The following LDLRAD4 variants were observed in gnomAD, a reference collection of about 807,000 sequenced individuals.
LDLRAD4 encodes low-density lipoprotein receptor class A domain-containing protein 4.
LDLRAD4 carries 5 observed loss-of-function variants against 17.0 expected under a neutral mutation model. The observed-to-expected ratio is 0.29, with a 90% CI of 0.15 to 0.62. LDLRAD4 has a LOEUF of 0.62. Among genes scored for constraint, LDLRAD4 ranks in the 20% least tolerant of loss-of-function variants. LDLRAD4 has a pLI of 0.84. For synonymous variants in LDLRAD4, 168 were observed against 171.8 expected (o/e 0.98, Z 0.17); for missense variants, 340 against 424.7 (o/e 0.80, Z 1.75).
chr18:13,464,506 C>T (rs2092549534), intron 3 of LDLRAD4, among the ~76,000 whole-genome samples: 1 of 152,092 alleles, frequency 6.6e-6, no homozygotes, highest in Non-Finnish European at 1.5e-5. Flanking sequence ...CTGGTTATAC[C>T]TGCTATATCT....
intron 2 of LDLRAD4, among the ~76,000 whole-genome samples, chr18:13,410,166 C>T (rs1026152712): frequency 4.6e-5 from 7 of 152,048 alleles, no homozygotes; most frequent in African/African-American, 1.4e-4. Context: ...GAGGGACTTC[C>T]GACCTGACAT....
intron 3 of LDLRAD4, chr18:13,515,380 T>G (rs921405071): frequency 1.2e-4 from 18 of 152,254 alleles, no homozygotes; most frequent in African/African-American, 4.3e-4. Flanking sequence ...TGGTGGTGGT[T>G]CTTGCATGTC....
intron 1 of LDLRAD4, among the ~76,000 whole-genome samples, chr18:13,269,916 C>T (rs371817431): frequency 3.9e-5 from 6 of 152,166 alleles, no homozygotes; most frequent in African/African-American, 9.7e-5. Context: ...GGGTATCACT[C>T]GAATAGCTGC....
intron 1 of LDLRAD4, among the ~76,000 whole-genome samples, chr18:13,256,381 G>A (rs554452913): frequency 7.2e-4 from 109 of 152,312 alleles, no homozygotes; most frequent in Middle Eastern, 6.8e-3. Flanking sequence ...TCACAGATCA[G>A]CTGCATGGGC....
At chr18:13,494,744 TGGG>T (rs2093431437) in intron 3 of LDLRAD4, among the ~76,000 whole-genome samples, 12 of 142,750 alleles carry the variant, frequency 8.4e-5, no homozygotes, top group African/African-American at 3.1e-4. Context: ...AATGACACAG[TGGG>T]AATTAAGGAA....
At chr18:13,571,135 T>A (rs1236055300) in intron 3 of LDLRAD4, among the ~76,000 whole-genome samples, 2 of 152,126 alleles carry the variant, frequency 1.3e-5, no homozygotes, top group Non-Finnish European at 2.9e-5. Flanking sequence ...TTTCTAAGTG[T>A]GGAGTTTGTG....
At chr18:13,573,258 C>A (rs961100638) in intron 3 of LDLRAD4, among the ~76,000 whole-genome samples, 2 of 151,920 alleles carry the variant, frequency 1.3e-5, no homozygotes, top group Non-Finnish European at 2.9e-5. Context: ...GTACCCACCA[C>A]CACGCCCCAC....
upstream of LDLRAD4, among the ~76,000 whole-genome samples, chr18:13,277,779 A>G (rs759240645): frequency 1.3e-4 from 20 of 152,186 alleles, no homozygotes; most frequent in Non-Finnish European, 2.6e-4. Flanking sequence ...CAGGGATACT[A>G]TCTGTTATTT....
chr18:13,494,923 C>T (rs1014959505), intron 3 of LDLRAD4, among the ~76,000 whole-genome samples: 3 of 151,470 alleles, frequency 2.0e-5, no homozygotes, highest in African/African-American at 4.8e-5. Context: ...GAGAGGGAAC[C>T]GAACGGGCTC....
intron 1 of LDLRAD4, among the ~76,000 whole-genome samples, chr18:13,290,922 G>A (rs544667787): frequency 6.6e-6 from 1 of 152,324 alleles, no homozygotes; most frequent in Non-Finnish European, 1.5e-5. Flanking sequence ...GCTCTGCACC[G>A]TGGCTTCCTG....
At chr18:13,321,061 C>T (rs1033366185) in intron 1 of LDLRAD4, among the ~76,000 whole-genome samples, 26 of 152,228 alleles carry the variant, frequency 1.7e-4, no homozygotes, top group Non-Finnish European at 3.1e-4. Flanking sequence ...TTGCAGCTCC[C>T]CCGCCCTCTT....
At chr18:13,229,517 C>G (rs1365570777) in intron 1 of LDLRAD4, among the ~76,000 whole-genome samples, 1 of 152,146 alleles carries the variant, frequency 6.6e-6, no homozygotes, top group African/African-American at 2.4e-5. Flanking sequence ...GTCAGAGACC[C>G]AGTTCCCGCC....
intron 3 of LDLRAD4, among the ~76,000 whole-genome samples, chr18:13,503,223 G>C (rs538840360): frequency 6.6e-4 from 101 of 152,348 alleles, no homozygotes; most frequent in African/African-American, 2.2e-3. Flanking sequence ...CAGTTACATG[G>C]AGGATGGCCC....
intron 3 of LDLRAD4, among the ~76,000 whole-genome samples, chr18:13,546,548 T>A (rs1220698377): frequency 6.6e-6 from 1 of 151,558 alleles, no homozygotes; most frequent in Non-Finnish European, 1.5e-5. Flanking sequence ...TTTGCATTTT[T>A]TGTAGAGACA....
chr18:13,245,509 G>A (rs1392007524), intron 1 of LDLRAD4, among the ~76,000 whole-genome samples: 1 of 152,210 alleles, frequency 6.6e-6, no homozygotes, highest in Non-Finnish European at 1.5e-5. Flanking sequence ...ACCGAGGATC[G>A]GGTAGATTAA....
intron 2 of LDLRAD4, among the ~76,000 whole-genome samples, chr18:13,406,996 C>G (rs2087825215): frequency 6.6e-6 from 1 of 152,168 alleles, no homozygotes; most frequent in South Asian, 2.1e-4. Flanking sequence ...GGACTGTCGG[C>G]CTCTGCCCTT....
At chr18:13,371,250 G>T (rs1341260813) in intron 1 of LDLRAD4, among the ~76,000 whole-genome samples, 1 of 152,202 alleles carries the variant, frequency 6.6e-6, no homozygotes, top group Non-Finnish European at 1.5e-5. Flanking sequence ...CTGAGATGGG[G>T]GGGCCAGGGC....
chr18:13,492,631 G>T (rs2093382544), intron 3 of LDLRAD4, among the ~76,000 whole-genome samples: 1 of 152,196 alleles, frequency 6.6e-6, no homozygotes, highest in Non-Finnish European at 1.5e-5. Flanking sequence ...GACTGGGGCG[G>T]CCCTCCAGCA....
In LDLRAD4 at chr18:13,505,264, C is replaced by T. The variant is rs546458031; in HGVS notation, c.181+66880C>T. ...CAGAACTAAGCAGAAGAACTTTGTA[C>T]TTGGATGCTGGAGATGATACTGCGT... is the stretch of plus-strand genomic sequence containing the variant. On this transcript the variant is annotated intron_variant, in intron 3 of 5. Transcript: ENST00000359446. Among the ~76,000 whole-genome samples, 6 of 152,326 alleles carry T rather than the reference C, an allele frequency of 3.9e-5. No individual in the cohort carries two copies. The South Asian group carries it at 1.0e-3, about 26-fold the overall frequency.
Sources: gnomAD v4.1 joint callset for allele counts (sites outside exome capture counted in the v4.1 genomes callset) on GRCh38, gnomAD v4.1.1 for gene constraint, MANE v1.5 for transcripts, NCBI Gene and HGNC (gene_info 2026-07-23, HGNC 2026-07-21) for gene names.